Variants in DLG2 observed in about 807,000 individuals in gnomAD.
DLG2 encodes the protein disks large homolog 2.
DLG2 carries 45 observed loss-of-function variants against 132.5 expected under a neutral mutation model. That is an observed-to-expected ratio of 0.34 (90% CI 0.27 to 0.44). DLG2 has a LOEUF of 0.44. DLG2 is among the 20% of genes least tolerant of loss of function. The pLI, the probability that DLG2 is intolerant of heterozygous loss-of-function variation, is 1.00. For synonymous variants in DLG2, 424 were observed against 419.6 expected, an observed-to-expected ratio of 1.01 and a Z score of -0.13; for missense variants, 1,045 against 1,196.9, an observed-to-expected ratio of 0.87 and a Z score of 1.87.
intron 15 of DLG2, among the ~76,000 whole-genome samples, chr11:83,900,426 A>G (rs574976461): frequency 6.6e-6 from 1 of 152,300 alleles, no homozygotes; most frequent in Admixed American, 6.5e-5. Flanking sequence ...CAGAGGCCAA[A>G]GAGAAAAAAG....
chr11:83,970,983 T>C (rs1203310576), intron 12 of DLG2, among the ~76,000 whole-genome samples: 1 of 152,192 alleles, frequency 6.6e-6, no homozygotes, highest in Admixed American at 6.5e-5. Context: ...TGAGTTTGTT[T>C]GGGTTAATTA....
intron 10 of DLG2, among the ~76,000 whole-genome samples, chr11:84,064,974 C>A (rs1267801327): frequency 6.6e-6 from 1 of 152,090 alleles, no homozygotes; most frequent in East Asian, 1.9e-4. Context: ...GGGGAAAGGA[C>A]TCCCTATTCA....
chr11:85,489,398 C>A (rs976462872), intron 3 of DLG2, among the ~76,000 whole-genome samples: 1 of 152,046 alleles, frequency 6.6e-6, no homozygotes, highest in Admixed American at 6.5e-5. Flanking sequence ...CACTGCAGCA[C>A]GCAGATTCAG....
chr11:83,607,266 G>A (rs2059486747), intron 19 of DLG2, among the ~76,000 whole-genome samples: 1 of 152,200 alleles, frequency 6.6e-6, no homozygotes, highest in African/African-American at 2.4e-5. Flanking sequence ...TATAGTTCAC[G>A]ATGTACAGAG....
Position 83,759,045 on chromosome 11 carries a change from C to T in DLG2, c.1825+27645G>A, listed in dbSNP as rs200360892. 3.9e-5 allele frequency among the ~76,000 whole-genome samples: 6 copies of T among 152,234 alleles called. No individual in the cohort carries two copies. The East Asian group carries it at 1.2e-3, about 29-fold the overall frequency. ...TTCATTCAATCAATGAAGAGATATA[C>T]ATTGAATATCTAATATATTTCAGAC... On this transcript the variant is annotated intron_variant, in intron 18 of 27. Transcript: ENST00000376104.
intron 7 of DLG2, among the ~76,000 whole-genome samples, chr11:84,486,439 A>C (rs550121338): frequency 6.6e-6 from 1 of 152,106 alleles, no homozygotes; most frequent in Non-Finnish European, 1.5e-5. Flanking sequence ...AGGCCAAATG[A>C]AGTTACTGAT....
intron 15 of DLG2, among the ~76,000 whole-genome samples, chr11:83,919,640 A>T (rs2077508673): frequency 6.6e-6 from 1 of 152,146 alleles, no homozygotes; most frequent in Non-Finnish European, 1.5e-5. Context: ...CCACATCTGG[A>T]TTGCATATCC....
intron 9 of DLG2, among the ~76,000 whole-genome samples, chr11:84,137,463 C>T (rs768105174): frequency 2.6e-5 from 4 of 151,800 alleles, no homozygotes; most frequent in Admixed American, 2.0e-4. Context: ...TATGTGTGTG[C>T]GTGCATGTTT....
At chr11:84,055,476 C>A (rs566644560) in intron 11 of DLG2, among the ~76,000 whole-genome samples, 2 of 152,166 alleles carry the variant, frequency 1.3e-5, no homozygotes, top group South Asian at 4.1e-4. Context: ...ATATGGTGAA[C>A]AAAGCTAAGC....
chr11:84,479,638 T>C (rs1283568005), intron 7 of DLG2, among the ~76,000 whole-genome samples: 1 of 152,122 alleles, frequency 6.6e-6, no homozygotes, highest in Non-Finnish European at 1.5e-5. Context: ...AGCCATATAT[T>C]ATAATGGAAA....
intron 6 of DLG2, among the ~76,000 whole-genome samples, chr11:84,986,924 A>G (rs547455257): frequency 6.6e-6 from 1 of 152,292 alleles, no homozygotes; most frequent in South Asian, 2.1e-4. Flanking sequence ...CAATCAGAAA[A>G]GAGAAAGAAA....
At chr11:84,463,100 C>A (rs1399439744) in intron 7 of DLG2, among the ~76,000 whole-genome samples, 2 of 151,122 alleles carry the variant, frequency 1.3e-5, no homozygotes, top group African/African-American at 2.4e-5. Context: ...GGGAAAAAAA[C>A]AATCTGGATC....
At chr11:85,450,453 T>C (rs2092197429) in intron 3 of DLG2, among the ~76,000 whole-genome samples, 1 of 152,172 alleles carries the variant, frequency 6.6e-6, no homozygotes, top group Non-Finnish European at 1.5e-5. Context: ...GCCCTCTAGA[T>C]AGCTATGATA....
At chr11:84,990,369 C>T (rs540096697) in intron 6 of DLG2, among the ~76,000 whole-genome samples, 12 of 152,274 alleles carry the variant, frequency 7.9e-5, no homozygotes, top group Admixed American at 5.9e-4. Flanking sequence ...GCAAAGCCCT[C>T]ATGAATGAGA....
chr11:84,396,317 A>G (rs1365920300), intron 7 of DLG2, among the ~76,000 whole-genome samples: 1 of 152,204 alleles, frequency 6.6e-6, no homozygotes, highest in African/African-American at 2.4e-5. Context: ...TTTTCATTGC[A>G]AAAATGAGAG....
At chr11:85,412,760 C>CACACACACACAT (rs756868795) in intron 3 of DLG2, among the ~76,000 whole-genome samples, 138 of 113,256 alleles carry the variant, frequency 1.2e-3, no homozygotes, top group African/African-American at 2.4e-3. Flanking sequence ...CACACACACA[C>CACACACACACAT]ATATATATAT....
At chr11:85,108,543 T>G (rs1407128429) in intron 6 of DLG2, among the ~76,000 whole-genome samples, 2 of 82,450 alleles carry the variant, frequency 2.4e-5, no homozygotes, top group African/African-American at 1.4e-4. Flanking sequence ...ATTGTAGAGT[T>G]AACCGCCCAT....
rs534244400 is a variant in DLG2 at position 85,068,915 on chromosome 11, C to T, written c.357+42746G>A. Among the ~76,000 whole-genome samples, 111 of 152,240 alleles carry T rather than the reference C, an allele frequency of 7.3e-4. 1 individual carries two copies. The highest frequency in any genetic ancestry group is 2.6e-3 in the African/African-American group (107 of 41,530). ...GACTTCAAACTATACTACAAGGCTACAGTAACCAAAACAGCATGGTACTGG... is the reference window on the plus strand; with the variant it reads ...GACTTCAAACTATACTACAAGGCTATAGTAACCAAAACAGCATGGTACTGG... On this transcript the variant is annotated intron_variant, in intron 6 of 27. Coordinates refer to ENST00000376104, the MANE Select transcript of DLG2 (RefSeq NM_001142699.3).
At chr11:85,005,628 CT>C (rs2058585332) in intron 6 of DLG2, among the ~76,000 whole-genome samples, 1 of 152,158 alleles carries the variant, frequency 6.6e-6, no homozygotes, top group Non-Finnish European at 1.5e-5. Flanking sequence ...AGATTTTAGA[CT>C]GAGGTGACGG....
Sources: gnomAD v4.1 joint callset for allele counts (sites outside exome capture counted in the v4.1 genomes callset) on GRCh38, gnomAD v4.1.1 for gene constraint, MANE v1.5 for transcripts, NCBI Gene and HGNC (gene_info 2026-07-23, HGNC 2026-07-21) for gene names.